The following THTPA variants were observed in gnomAD, a reference collection of about 807,000 sequenced individuals.
The protein encoded by THTPA is thiamine triphosphatase, also known as thiamine-triphosphatase.
Under a neutral mutation model 16.5 loss-of-function variants are expected in THTPA, and 16 were observed. The observed-to-expected ratio is 0.97, with a 90% CI of 0.66 to 1.47. The LOEUF is 1.47. Ranked by LOEUF, THTPA falls within the 40% of genes most tolerant of loss-of-function variation. The probability of loss-of-function intolerance (pLI) is 0.00; values close to 1 mark genes in which losing one functional copy is unlikely to be tolerated. For synonymous variants in THTPA, 110 were observed against 115.5 expected, an observed-to-expected ratio of 0.95 and a Z score of 0.30; for missense variants, 281 against 280.9, an observed-to-expected ratio of 1.00 and a Z score of 0.00.
At chr14:23,537,777 G>A in the THTPA span, among the ~76,000 whole-genome samples, 2 of 152,160 alleles carry the variant, frequency 1.3e-5, no homozygotes, top group South Asian at 2.1e-4. Context: ...AATCCATGGT[G>A]GGGGAGAGGG....
Position 23,559,609 on chromosome 14 carries a change from G to T in THTPA, c.*769G>T. On this transcript the variant is annotated 3_prime_UTR_variant, in exon 2 of 2. Transcript: ENST00000288014. Reference sequence around the variant, plus strand: ...CAGGCTTTATTGGGCTTTATTTGTGGGAGAAGGGGGCTGGTCCCCAGTTTT... The same window carrying T: ...CAGGCTTTATTGGGCTTTATTTGTGTGAGAAGGGGGCTGGTCCCCAGTTTT... 1 of 690,558 alleles carries T rather than the reference G, an allele frequency of 1.4e-6. No homozygotes were observed. Among genetic ancestry groups the T allele is most frequent in the Non-Finnish European group, 2.5e-6 (1 of 395,118 alleles). The allele number at this position is 690,558 out of a possible 1,614,324, so 42.8% of individuals were successfully genotyped here.
At chr14:23,537,193 C>T in the THTPA span, among the ~76,000 whole-genome samples, 4 of 151,918 alleles carry the variant, frequency 2.6e-5, no homozygotes, top group Admixed American at 2.0e-4. Flanking sequence ...GATTCCTGGG[C>T]TGCCTCCAGC....
chr14:23,533,829 C>G, the THTPA span: 44 of 1,542,232 alleles, frequency 2.9e-5, no homozygotes, highest in Non-Finnish European at 3.8e-5. This position sits in a 1 kb window ranked among gnomAD's most constrained non-coding sequence, Gnocchi z 4.8. Context: ...AGTTGTAGCT[C>G]TCTCCACGAG....
At chr14:23,528,390 C>T in the THTPA span, among the ~76,000 whole-genome samples, 1 of 152,212 alleles carries the variant, frequency 6.6e-6, no homozygotes, top group Non-Finnish European at 1.5e-5. Flanking sequence ...CCTGGCCTCT[C>T]TGCCTTTTCT....
At chr14:23,520,680 C>CA in the THTPA span, among the ~76,000 whole-genome samples, 2 of 151,892 alleles carry the variant, frequency 1.3e-5, no homozygotes, top group Admixed American at 6.6e-5. The surrounding 1 kb of genome is among the most constrained non-coding windows in gnomAD (Gnocchi z 8.7). Context: ...GGAGGCTGCG[C>CA]ATAGCAGGGG....
the THTPA span, chr14:23,530,319 G>A: frequency 3.9e-6 from 3 of 763,782 alleles, no homozygotes; most frequent in Non-Finnish European, 6.7e-6. Context: ...CAATCAGCAG[G>A]TAGGAGAGTA....
chr14:23,559,914 C>A lies in THTPA; in HGVS notation c.*1074C>A. ...GGCTTCTTCTATCCCTGGGTCTTGT[C>A]TTGGGGGAACTCCTGAAGCTCACCT... On this transcript the variant is annotated 3_prime_UTR_variant, in exon 2 of 2. Coordinates refer to ENST00000288014, the MANE Select transcript of THTPA (RefSeq NM_024328.6). 1 of 1,611,996 alleles carries A rather than the reference C, an allele frequency of 6.2e-7. No homozygotes were observed. The highest frequency in any genetic ancestry group is 2.2e-5 in the East Asian group (1 of 44,868).
the THTPA span, chr14:23,533,696 C>T: frequency 1.3e-6 from 2 of 1,540,186 alleles, no homozygotes; most frequent in African/African-American, 2.7e-5. The surrounding 1 kb of genome is among the most constrained non-coding windows in gnomAD (Gnocchi z 4.8). Context: ...CCCTGCCCAC[C>T]AGGGCCCGCC....
the THTPA span, chr14:23,528,878 G>A: frequency 4.1e-6 from 4 of 972,606 alleles, no homozygotes; most frequent in Non-Finnish European, 3.7e-6. Context: ...TGGCACCAGT[G>A]GCACAGGCCT....
At chr14:23,527,594 C>T in the THTPA span, 3 of 1,536,692 alleles carry the variant, frequency 2.0e-6, no homozygotes, top group Non-Finnish European at 2.6e-6. Context: ...CTCACCCAGC[C>T]TGTACTCACT....
the THTPA span, chr14:23,522,656 C>T: frequency 3.9e-6 from 6 of 1,536,356 alleles, no homozygotes; most frequent in Non-Finnish European, 5.2e-6. Context: ...GAACTGGCCC[C>T]CCAACAGGGC....
the THTPA span, among the ~76,000 whole-genome samples, chr14:23,537,259 C>T: frequency 1.1e-4 from 17 of 152,086 alleles, no homozygotes; most frequent in South Asian, 3.5e-3. Flanking sequence ...AGGAACCTCC[C>T]CCTCAAACTC....
At chr14:23,521,762 G>A in the THTPA span, 281 of 902,134 alleles carry the variant, frequency 3.1e-4, no homozygotes, top group Admixed American at 5.0e-4. Context: ...ATCAATGTGT[G>A]TGTCTGTGGG....
At chr14:23,557,701 T>G (rs1274509833) in intron 1 of THTPA, among the ~76,000 whole-genome samples, 1 of 152,210 alleles carries the variant, frequency 6.6e-6, no homozygotes, top group Non-Finnish European at 1.5e-5. Flanking sequence ...TAGCCAGATC[T>G]CCTTCAGTTT....
the THTPA span, chr14:23,535,012 A>G: frequency 6.5e-7 from 1 of 1,535,920 alleles, no homozygotes; most frequent in Non-Finnish European, 8.7e-7. This position sits in a 1 kb window ranked among gnomAD's most constrained non-coding sequence, Gnocchi z 4.5. Context: ...CATGGGAGGG[A>G]GCCCTTCTTC....
the THTPA span, chr14:23,533,545 A>C: frequency 6.5e-7 from 1 of 1,536,256 alleles, no homozygotes; most frequent in Non-Finnish European, 8.7e-7. The surrounding 1 kb of genome is among the most constrained non-coding windows in gnomAD (Gnocchi z 4.8). Context: ...GACATTCTGC[A>C]TGTGCTTCTC....
the THTPA span, chr14:23,528,504 A>C: frequency 1.4e-6 from 1 of 737,732 alleles, no homozygotes; most frequent in Non-Finnish European, 1.7e-6. Flanking sequence ...TCTCTTACCT[A>C]TCCTATCCTG....
At chr14:23,537,849 G>A in the THTPA span, among the ~76,000 whole-genome samples, 4 of 152,178 alleles carry the variant, frequency 2.6e-5, no homozygotes, top group Non-Finnish European at 4.4e-5. Flanking sequence ...GGGCCACACC[G>A]CCCTTCCACT....
chr14:23,522,100 T>A, the THTPA span: 1 of 1,535,498 alleles, frequency 6.5e-7, no homozygotes, highest in East Asian at 2.4e-5. Context: ...GTGGGCCCCC[T>A]TGAGGTGGGG....
Sources: gnomAD v4.1 joint callset for allele counts (sites outside exome capture counted in the v4.1 genomes callset) on GRCh38, gnomAD v4.1.1 for gene constraint, Gnocchi (gnomAD v3.1) non-coding constraint, MANE v1.5 for transcripts, NCBI Gene and HGNC (gene_info 2026-07-23, HGNC 2026-07-21) for gene names.